Variants in SYNE1 observed in about 807,000 individuals in gnomAD.
SYNE1 encodes the protein spectrin repeat containing nuclear envelope protein 1.
In SYNE1, 616 loss-of-function variants were observed where a neutral mutation model predicts 1,111.0. That is an observed-to-expected ratio of 0.55 (90% confidence interval 0.52 to 0.59). The LOEUF (loss-of-function observed/expected upper bound fraction) is 0.59, where lower values mean the gene tolerates loss of function less well. SYNE1 is among the 20% of genes least tolerant of loss of function. The pLI is 0.00. For missense variants in SYNE1, 10,006 were observed against 10,417.0 expected (o/e 0.96, Z 1.72); for synonymous variants, 3,855 against 3,825.8 (o/e 1.01, Z -0.28).
rs145716069 is a variant in SYNE1 at position 152,405,769 on chromosome 6, AC to A, written c.6723+1244del. Among the ~76,000 whole-genome samples the A allele has an allele frequency of 1.1e-3, 160 of 152,260 alleles. 6 individuals carry two copies. In the East Asian group the frequency reaches 0.03, roughly 28 times the overall value. The stretch of plus-strand genomic sequence containing the variant: ...TGCGGTATCCATCACCCCTGCCTGT[AC>A]TTTTAGTCTGGATAATTTTTTCTCC... On this transcript the variant is annotated intron_variant, in intron 45 of 145. Coordinates refer to ENST00000367255, the MANE Select transcript of SYNE1 (RefSeq NM_182961.4).
At chr6:152,149,900 G>T (rs528893753) in intron 135 of SYNE1, among the ~76,000 whole-genome samples, 1 of 152,152 alleles carries the variant, frequency 6.6e-6, no homozygotes, top group African/African-American at 2.4e-5. Context: ...TCAGAAAAGC[G>T]CTTTTGGCTA....
At chr6:152,191,289 G>A (rs937408292) in intron 127 of SYNE1, among the ~76,000 whole-genome samples, 2 of 148,982 alleles carry the variant, frequency 1.3e-5, no homozygotes, top group Non-Finnish European at 3.0e-5. Flanking sequence ...GGTAATAGTA[G>A]CCTTGTAGAA....
intron 125 of SYNE1, among the ~76,000 whole-genome samples, chr6:152,207,617 T>C (rs2076755065): frequency 6.6e-6 from 1 of 152,160 alleles, no homozygotes; most frequent in East Asian, 1.9e-4. Context: ...CCTGTCTTCT[T>C]TGGAATACTC....
chr6:152,292,554 T>C (rs1004503083), intron 95 of SYNE1, among the ~76,000 whole-genome samples: 2 of 152,220 alleles, frequency 1.3e-5, no homozygotes, highest in Admixed American at 1.3e-4. Context: ...GAAAGATATA[T>C]ACTGCAAAAG....
Position 152,221,460 on chromosome 6 carries a change from T to A in SYNE1, c.21622A>T (p.Thr7208Ser). 1 of 1,613,904 alleles carries A rather than the reference T, an allele frequency of 6.2e-7. No homozygotes were observed. ...LKECHPPVTE[T>S]LTNTLKEVNM... ...ACTTCTTTCAGTGTATTGGTAAGAG[T>A]TTCTGTCACGGGTGGGTGACACTCT... Residue 7208 changes from threonine (T) to serine (S), a missense_variant, in exon 118 of 146, where the codon ACT (threonine) becomes TCT (serine). This residue lies in a region of SYNE1 where 2,182 missense variants were observed against 2,287.8 expected (regional missense o/e 0.95). Transcript: ENST00000367255.
chr6:152,591,981 C>T (rs112427300), intron 3 of SYNE1, among the ~76,000 whole-genome samples: 5,487 of 152,166 alleles, frequency 0.036, 326 homozygotes, highest in African/African-American at 0.12. Flanking sequence ...TACCATCTCA[C>T]ACTAGTCAGA....
intron 145 of SYNE1, chr6:152,125,184 C>G (rs2052931386): frequency 6.7e-7 from 1 of 1,486,974 alleles, no homozygotes; most frequent in East Asian, 2.5e-5. Flanking sequence ...TCCCTGCCCA[C>G]CGCACTCTCT....
At chr6:152,281,752 T>C in intron 97 of SYNE1, 55 bp downstream of exon 97, 2 of 1,599,624 alleles carry the variant, frequency 1.3e-6, no homozygotes, top group South Asian at 1.1e-5. Context: ...TTTTCTGTAG[T>C]TTAAAAAAAT....
intron 11 of SYNE1, among the ~76,000 whole-genome samples, chr6:152,489,475 T>C (rs954432992): frequency 4.0e-5 from 6 of 150,024 alleles, no homozygotes; most frequent in African/African-American, 7.4e-5. Flanking sequence ...TTTTTTTTTT[T>C]CGTTAACCTC....
At chr6:152,318,387 C>CTATG in intron 85 of SYNE1, 124 bp from the exon 86 acceptor site, 1 of 1,071,616 alleles carries the variant, frequency 9.3e-7, no homozygotes, top group Non-Finnish European at 1.4e-6. Flanking sequence ...TATAATTCTA[C>CTATG]TATGATCAGG....
intron 3 of SYNE1, among the ~76,000 whole-genome samples, chr6:152,586,586 A>G (rs1322516): frequency 0.022 from 3,293 of 151,944 alleles, 127 homozygotes; most frequent in African/African-American, 0.075. Flanking sequence ...CTGGTATGTG[A>G]CTACTGACTT....
In SYNE1 at chr6:152,465,451, G is replaced by A. The variant is rs775954800; in HGVS notation, c.1739C>T (p.Ala580Val). The part of the protein sequence containing the change: ...YVKADGSVEE[A>V]ENVMKFMNET... ...ATTCATGAATTTCATCACATTCTCA[G>A]CTTCTTCCACTGAAACAGATAAAAC... The change falls in exon 18 of 146, where the codon GCT becomes GTT. Residue 580 changes from alanine (A) to valine (V), a missense_variant. Physicochemically the swap from Ala to Val is moderately conservative, Grantham distance 64 (BLOSUM62 0). Coordinates refer to ENST00000367255, the MANE Select transcript of SYNE1 (RefSeq NM_182961.4). The A allele has an allele frequency of 6.2e-7, 1 of 1,612,952 alleles. No individual in the cohort carries two copies. The highest frequency in any genetic ancestry group is 1.1e-5 in the South Asian group (1 of 91,056).
At chr6:152,485,871 T>C (rs9397514) in intron 12 of SYNE1, among the ~76,000 whole-genome samples, 30,032 of 152,076 alleles carry the variant, frequency 0.2, 3,146 homozygotes, top group Middle Eastern at 0.32. Flanking sequence ...AGGTTTTCTT[T>C]CATTTTCTCT....
Position 152,254,927 on chromosome 6 carries a change from G to A in SYNE1, c.19423C>T (p.Arg6475Ter), listed in dbSNP as rs1258745040. Reference protein sequence around the residue: ...LSLLDSVVNQRCHQMKERLQQ... With the variant: ...LSLLDSVVNQ Reference sequence around the variant, plus strand: ...AGTCTTTCTTTCATCTGATGACATCGTTGATTCACTACTGAGTCTAGCAAG... The same window carrying A: ...AGTCTTTCTTTCATCTGATGACATCATTGATTCACTACTGAGTCTAGCAAG... The change falls in exon 104 of 146, where the codon CGA becomes TGA. Residue 6475 changes from arginine (R) to a stop codon, truncating the protein, a stop_gained. Coordinates refer to ENST00000367255, the MANE Select transcript of SYNE1 (RefSeq NM_182961.4). LOFTEE classifies it high-confidence loss of function. 3 of 1,613,936 alleles carry A rather than the reference G, an allele frequency of 1.9e-6. No homozygotes were observed. Among genetic ancestry groups the A allele is most frequent in the Admixed American group, 1.7e-5 (1 of 60,012 alleles).
rs1425996795 is a variant in SYNE1, at chr6:152,330,616, A to G, written c.14069T>C (p.Leu4690Pro). The G allele has an allele frequency of 4.3e-6, 7 of 1,613,434 alleles. No homozygotes were observed. Among genetic ancestry groups the G allele is most frequent in the African/African-American group, 1.3e-5 (1 of 74,934 alleles). The change falls in exon 78 of 146, where the codon CTT (leucine) becomes CCT (proline). Residue 4690 changes from leucine (L) to proline (P), a missense_variant. Leu to Pro is a moderately conservative substitution (Grantham distance 98, BLOSUM62 -3). Transcript: ENST00000367255. ...IELTTQSLSELEAQFLRMSKV... is the reference protein window; with the variant it reads ...IELTTQSLSEPEAQFLRMSKV... ...GCTCATCCTCAAGAATTGGGCTTCA[A>G]GTTCACTCAGAGACTGGGTTGTCAA...
intron 6 of SYNE1, among the ~76,000 whole-genome samples, chr6:152,515,532 A>G (rs1026632082): frequency 1.3e-5 from 2 of 152,238 alleles, no homozygotes; most frequent in Non-Finnish European, 1.5e-5. Context: ...TTAGAAAACC[A>G]GGGATCACAG....
intron 64 of SYNE1, 100 bp downstream of exon 64, chr6:152,362,070 G>C: frequency 6.6e-7 from 1 of 1,518,620 alleles, no homozygotes; most frequent in Non-Finnish European, 9.1e-7. Flanking sequence ...ATTTGCTTAT[G>C]TGCACTGCCC....
intron 3 of SYNE1, among the ~76,000 whole-genome samples, chr6:152,582,178 A>G (rs1035492487): frequency 1.3e-5 from 2 of 152,094 alleles, no homozygotes; most frequent in South Asian, 2.1e-4. Flanking sequence ...AAGTTTTTCA[A>G]GTTAGCCTGA....
intron 135 of SYNE1, 24 bp from the exon 136 acceptor site, chr6:152,149,692 A>T (rs1314965472): frequency 6.2e-7 from 1 of 1,602,964 alleles, no homozygotes; most frequent in Admixed American, 1.7e-5. Flanking sequence ...ATCTCATGTG[A>T]TTTTGCTATT....
Sources: allele counts gnomAD v4.1 joint callset (sites outside exome capture counted in the v4.1 genomes callset), GRCh38; gene constraint gnomAD v4.1.1; regional missense constraint gnomAD v4.1.1; transcripts MANE v1.5; gene names NCBI Gene and HGNC (gene_info 2026-07-23, HGNC 2026-07-21).